Variants in RS1 observed in about 807,000 individuals in gnomAD.
The protein encoded by RS1 is retinoschisin 1.
In RS1, 2 loss-of-function variants were observed where a neutral mutation model predicts 20.8. The ratio of observed to expected loss-of-function variants is 0.10; its 90% confidence interval spans 0.04 to 0.30. The LOEUF is 0.30. RS1 is among the 10% of genes least tolerant of loss of function. The pLI is 1.00. For missense variants in RS1, 151 were observed against 189.8 expected (o/e 0.80, Z 1.20); for synonymous variants, 70 against 75.8 (o/e 0.92, Z 0.40).
chrX:18,647,485 C>T, intron 3 of RS1, 153 bp from the exon 4 acceptor site: 1 of 533,529 alleles, frequency 1.9e-6, no homozygotes, highest in South Asian at 2.8e-5. Context: ...ACAGCTGTGT[C>T]TTCAACGGTT....
At chrX:18,651,293 G>A (rs1361129741) in intron 3 of RS1, among the ~76,000 whole-genome samples, 1 of 108,671 alleles carries the variant, frequency 9.2e-6, no homozygotes, top group Admixed American at 1.0e-4. Flanking sequence ...GAGAGACAGA[G>A]AGACACAGAG....
intron 3 of RS1, chrX:18,650,457 G>T: frequency 1.7e-6 from 2 of 1,211,696 alleles, no homozygotes; most frequent in East Asian, 5.9e-5. Flanking sequence ...CACTCCGTGC[G>T]TCCCAAACCG....
chrX:18,663,750 C>T (rs1300545285), intron 1 of RS1, among the ~76,000 whole-genome samples: 2 of 111,852 alleles, frequency 1.8e-5, no homozygotes, highest in African/African-American at 6.5e-5. Context: ...GCTTCCACCA[C>T]TCTAGGTACA....
rs190533240 is a variant in RS1 at position 18,658,742 on chromosome X, C to A, written c.53-1077G>T. ...AAAGTGCTGGGGTTACAGGCATGAGCCACCATGCCCGGCCCAAGGTTTCTC... is the reference window on the plus strand; with the variant it reads ...AAAGTGCTGGGGTTACAGGCATGAGACACCATGCCCGGCCCAAGGTTTCTC... On this transcript the variant is annotated intron_variant, in intron 1 of 5. Coordinates refer to ENST00000379984, the MANE Select transcript of RS1 (RefSeq NM_000330.4). Among the ~76,000 whole-genome samples, 327 of 110,005 alleles carry A rather than the reference C, an allele frequency of 3.0e-3. 2 individuals carry two copies. The highest frequency in any genetic ancestry group is 0.011 in the African/African-American group (319 of 30,324).
intron 3 of RS1, among the ~76,000 whole-genome samples, chrX:18,652,399 T>G (rs891984263): frequency 6.2e-5 from 7 of 112,534 alleles, no homozygotes; most frequent in Non-Finnish European, 1.1e-4. Flanking sequence ...CTGGGTGCAG[T>G]GGCTCACGCC....
Position 18,642,027 on chromosome X carries a change from C to T in RS1, c.652G>A (p.Glu218Lys). ...VRIAIRMELL[E>K]CVSKCA The stretch of plus-strand genomic sequence containing the variant: ...CATCAGGCACACTTGCTGACGCACT[C>T]CAGCAGCTCCATCCGGATGGCAATG... The change falls in exon 6 of 6, where the codon GAG becomes AAG. Residue 218 changes from glutamate to lysine, a missense_variant. Glu to Lys is a moderately conservative substitution (Grantham distance 56). Transcript: ENST00000379984. 1 of 1,211,409 alleles carries T rather than the reference C, an allele frequency of 8.3e-7. No homozygotes were observed.
chrX:18,653,351 G>A, intron 3 of RS1: 1 of 1,175,346 alleles, frequency 8.5e-7, no homozygotes, highest in Admixed American at 2.4e-5. Flanking sequence ...GCTCCGTGGG[G>A]GGCCCGGGCA....
intron 4 of RS1, among the ~76,000 whole-genome samples, chrX:18,645,051 G>A (rs1018237969): frequency 1.8e-5 from 2 of 112,129 alleles, no homozygotes; most frequent in African/African-American, 6.5e-5. Context: ...GTTTCCCTCG[G>A]TTGGTGACAT....
chrX:18,644,286 C>T (rs1927686215), intron 5 of RS1, 144 bp downstream of exon 5: 1 of 576,919 alleles, frequency 1.7e-6, no homozygotes, highest in Non-Finnish European at 3.0e-6. Context: ...AAAGAGAGCA[C>T]AGCACATTGT....
At chrX:18,650,890 G>T (rs1928000477) in intron 3 of RS1, among the ~76,000 whole-genome samples, 1 of 112,300 alleles carries the variant, frequency 8.9e-6, no homozygotes, top group Non-Finnish European at 1.9e-5. Flanking sequence ...TGTAGTACCT[G>T]TCTTCATAAA....
At chrX:18,671,435 C>A (rs1928489482) in intron 1 of RS1, among the ~76,000 whole-genome samples, 1 of 111,853 alleles carries the variant, frequency 8.9e-6, no homozygotes, top group African/African-American at 3.2e-5. Flanking sequence ...CTGCTAGGGT[C>A]ATATTTAGAA....
chrX:18,641,706 C>G lies in RS1; in HGVS notation c.*298G>C. On this transcript the variant is annotated 3_prime_UTR_variant, in exon 6 of 6. Transcript: ENST00000379984. ...TGAGACTGCACCTTTCACAGTATCACTGAGACAAAAAATGAGCAGAAAATT... is the reference window on the plus strand; with the variant it reads ...TGAGACTGCACCTTTCACAGTATCAGTGAGACAAAAAATGAGCAGAAAATT... 4 of 335,158 alleles carry G rather than the reference C, an allele frequency of 1.2e-5. No homozygotes were observed. The highest frequency in any genetic ancestry group is 2.1e-5 in the Non-Finnish European group (4 of 188,503). 27.6% of individuals were successfully genotyped at this position (335,158 alleles called of 1,213,427 possible). A position where few individuals can be genotyped will look rare whatever the true frequency, so the allele number is the denominator to read the frequency against.
At chrX:18,654,236 C>A (rs1443704645) in intron 3 of RS1, among the ~76,000 whole-genome samples, 2 of 105,447 alleles carry the variant, frequency 1.9e-5, no homozygotes, top group African/African-American at 7.0e-5. Flanking sequence ...CTCACTGCAG[C>A]CTCAACCTCC....
chrX:18,651,268 A>T (rs763246438), intron 3 of RS1, among the ~76,000 whole-genome samples: 1,106 of 99,627 alleles, frequency 0.011, 19 homozygotes, highest in African/African-American at 0.036. Flanking sequence ...TGTGTGTGAG[A>T]GAGAGAGAGA....
At chrX:18,647,368 C>G in intron 3 of RS1, 36 bp from the exon 4 acceptor site, 4 of 1,192,463 alleles carry the variant, frequency 3.4e-6, no homozygotes, top group Non-Finnish European at 4.6e-6. Flanking sequence ...TCACACATAT[C>G]TCAATACTCA....
intron 3 of RS1, among the ~76,000 whole-genome samples, chrX:18,649,725 C>A (rs1391608948): frequency 8.9e-6 from 1 of 112,245 alleles, no homozygotes; most frequent in Non-Finnish European, 1.9e-5. Context: ...CCTTGAAAAC[C>A]TTGGCCTGCC....
At chrX:18,652,684 G>A (rs1928105401) in intron 3 of RS1, among the ~76,000 whole-genome samples, 1 of 110,936 alleles carries the variant, frequency 9.0e-6, no homozygotes, top group Non-Finnish European at 1.9e-5. Flanking sequence ...AAAAAACTAA[G>A]GGGATCCTTA....
chrX:18,656,561 C>T lies in RS1; in HGVS notation c.184+92G>A, dbSNP rs532394703. 2,872 of 644,787 alleles carry T rather than the reference C, an allele frequency of 4.5e-3. 12 individuals carry two copies. The highest frequency in any genetic ancestry group is 9.3e-3 in the Middle Eastern group (30 of 3,226). The allele number at this position is 644,787 out of a possible 1,213,427, so 53.1% of individuals were successfully genotyped here. On this transcript the variant is annotated intron_variant, in intron 3 of 5. Transcript: ENST00000379984. ...TCTTTCATTCTAAAGATGGGGGTAG[C>T]GTTCAGGGGGTTAATTCAGCTGAGT...
intron 1 of RS1, among the ~76,000 whole-genome samples, chrX:18,667,546 CAAA>C (rs748540329): frequency 2.1e-5 from 1 of 48,780 alleles, no homozygotes. Context: ...GACTCTGTCT[CAAA>C]AAAAAAAAAA....
Sources: allele counts gnomAD v4.1 joint callset (sites outside exome capture counted in the v4.1 genomes callset), GRCh38; gene constraint gnomAD v4.1.1; transcripts MANE v1.5; gene names NCBI Gene and HGNC (gene_info 2026-07-23, HGNC 2026-07-21).